RBFOX1: variants seen among roughly 807,000 people sequenced by gnomAD.
RBFOX1 encodes the protein RNA binding fox-1 homolog 1.
Under a neutral mutation model 57.7 loss-of-function variants are expected in RBFOX1, and 8 were observed. The observed-to-expected ratio is 0.14, with a 90% CI of 0.08 to 0.25. The LOEUF is 0.25. RBFOX1 is among the 10% of genes least tolerant of loss of function. RBFOX1 has a pLI of 1.00. For missense variants in RBFOX1, 611 were observed against 548.5 expected (o/e 1.11, Z -1.14); for synonymous variants, 326 against 222.4 (o/e 1.47, Z -4.15).
Position 6,958,825 on chromosome 16 carries a change from G to A in RBFOX1, c.-15-93232G>A, listed in dbSNP as rs141589864. Among the ~76,000 whole-genome samples, 455 of 152,186 alleles carry A rather than the reference G, an allele frequency of 3.0e-3. 4 individuals are homozygous for A. Among genetic ancestry groups the A allele is most frequent in the Non-Finnish European group, 5.6e-3 (381 of 68,006 alleles). The stretch of plus-strand genomic sequence containing the variant: ...AAATCGTGTCATTATGGAGATGAGG[G>A]TGGCCCGGCATTGCTGATTTTCAAG... On this transcript the variant is annotated intron_variant, in intron 3 of 15. Coordinates refer to ENST00000550418, the MANE Select transcript of RBFOX1 (RefSeq NM_018723.4).
At chr16:5,449,302 C>T (rs2068349408) in intron 1 of RBFOX1, among the ~76,000 whole-genome samples, 1 of 152,204 alleles carries the variant, frequency 6.6e-6, no homozygotes. Context: ...CTTATCTGAG[C>T]CTCCTCAGAG....
At chr16:5,840,391 C>G (rs368846389) in intron 3 of RBFOX1, among the ~76,000 whole-genome samples, 2 of 152,096 alleles carry the variant, frequency 1.3e-5, no homozygotes, top group African/African-American at 4.8e-5. Context: ...CGTCTGAGGG[C>G]GCATGAGATG....
chr16:6,500,867 TG>T (rs2095889851), intron 2 of RBFOX1, among the ~76,000 whole-genome samples: 1 of 151,122 alleles, frequency 6.6e-6, no homozygotes, highest in Non-Finnish European at 1.5e-5. Context: ...TCTCAGCCCT[TG>T]GGGAGTAGTT....
At chr16:6,160,443 C>A (rs923387450) in intron 1 of RBFOX1, among the ~76,000 whole-genome samples, 1 of 152,114 alleles carries the variant, frequency 6.6e-6, no homozygotes, top group Non-Finnish European at 1.5e-5. Context: ...CTTGATGCTT[C>A]ACTTCCCTTT....
chr16:7,204,945 G>T (rs1329596133), intron 4 of RBFOX1, among the ~76,000 whole-genome samples: 1 of 152,102 alleles, frequency 6.6e-6, no homozygotes, highest in Admixed American at 6.5e-5. Context: ...ACTTCAACTT[G>T]AAATTCCTTG....
intron 3 of RBFOX1, among the ~76,000 whole-genome samples, chr16:6,791,617 G>T (rs1436613906): frequency 2.6e-5 from 4 of 152,206 alleles, no homozygotes. Context: ...AAATCAGCCA[G>T]GTGTAGTGGT....
At chr16:6,481,325 C>T (rs2095368096) in intron 2 of RBFOX1, among the ~76,000 whole-genome samples, 1 of 152,136 alleles carries the variant, frequency 6.6e-6, no homozygotes, top group Non-Finnish European at 1.5e-5. Context: ...GTTTGCTGTG[C>T]CCCTTGCACA....
chr16:7,497,250 C>T (rs757036136), intron 4 of RBFOX1, among the ~76,000 whole-genome samples: 7 of 152,198 alleles, frequency 4.6e-5, no homozygotes, highest in Non-Finnish European at 1.0e-4. Flanking sequence ...GCTAAATCTT[C>T]ACCACACCTA....
chr16:5,481,726 A>T (rs536433362), intron 2 of RBFOX1, among the ~76,000 whole-genome samples: 1 of 152,152 alleles, frequency 6.6e-6, no homozygotes, highest in Non-Finnish European at 1.5e-5. Flanking sequence ...ACAGAACTGC[A>T]TTCTGCCATC....
At chr16:6,833,996 G>C (rs1229408809) in intron 3 of RBFOX1, among the ~76,000 whole-genome samples, 2 of 152,146 alleles carry the variant, frequency 1.3e-5, no homozygotes, top group Non-Finnish European at 2.9e-5. Context: ...GGACTGGGTT[G>C]TGAGTACACT....
chr16:5,504,813 C>T (rs1303067672), intron 2 of RBFOX1, among the ~76,000 whole-genome samples: 1 of 152,142 alleles, frequency 6.6e-6, no homozygotes, highest in Non-Finnish European at 1.5e-5. Context: ...TGGCCATGAG[C>T]GGTGACGTTG....
chr16:7,153,530 A>C (rs527530770), intron 4 of RBFOX1, among the ~76,000 whole-genome samples: 7 of 151,724 alleles, frequency 4.6e-5, no homozygotes, highest in African/African-American at 1.7e-4. Flanking sequence ...AGGTCAAGAG[A>C]TCGAGACCAT....
At chr16:7,125,877 G>C (rs2068393514) in intron 4 of RBFOX1, among the ~76,000 whole-genome samples, 1 of 152,134 alleles carries the variant, frequency 6.6e-6, no homozygotes, top group Non-Finnish European at 1.5e-5. Context: ...GAGGTCAGGA[G>C]TTCAAGACCA....
At chr16:6,192,181 T>C (rs2097146073) in intron 1 of RBFOX1, among the ~76,000 whole-genome samples, 1 of 152,088 alleles carries the variant, frequency 6.6e-6, no homozygotes, top group East Asian at 1.9e-4. Flanking sequence ...ATGTCAGTGC[T>C]ATTTAACGCA....
intron 3 of RBFOX1, among the ~76,000 whole-genome samples, chr16:6,742,507 C>G (rs1044122136): frequency 3.9e-5 from 6 of 152,028 alleles, no homozygotes; most frequent in African/African-American, 1.4e-4. Flanking sequence ...AAGTTAATGT[C>G]CACGAAAAAC....
At chr16:6,920,990 G>T (rs1206876218) in intron 3 of RBFOX1, among the ~76,000 whole-genome samples, 2 of 152,162 alleles carry the variant, frequency 1.3e-5, no homozygotes, top group African/African-American at 4.8e-5. Flanking sequence ...TACTGGATAA[G>T]TTTGCCCTTG....
chr16:7,680,248 T>C (rs1383468594), intron 14 of RBFOX1, among the ~76,000 whole-genome samples: 1 of 152,156 alleles, frequency 6.6e-6, no homozygotes, highest in Non-Finnish European at 1.5e-5. Context: ...TGTTGTTGCA[T>C]CTTGAAGCAG....
intron 5 of RBFOX1, among the ~76,000 whole-genome samples, chr16:7,524,455 T>G (rs1436799971): frequency 6.6e-6 from 1 of 152,260 alleles, no homozygotes; most frequent in South Asian, 2.1e-4. Flanking sequence ...TACTGTATTA[T>G]GTTAGATACT....
intron 2 of RBFOX1, among the ~76,000 whole-genome samples, chr16:5,469,678 C>G (rs2069068936): frequency 6.6e-6 from 1 of 152,158 alleles, no homozygotes; most frequent in Non-Finnish European, 1.5e-5. Flanking sequence ...TCCTCCATCC[C>G]CAGCCCCTGA....
Sources: allele counts gnomAD v4.1 joint callset (sites outside exome capture counted in the v4.1 genomes callset), GRCh38; gene constraint gnomAD v4.1.1; transcripts MANE v1.5; gene names NCBI Gene and HGNC (gene_info 2026-07-23, HGNC 2026-07-21).